LAMA4: variants seen among roughly 807,000 people sequenced by gnomAD.
The protein encoded by LAMA4 is laminin subunit alpha 4.
In LAMA4, 127 loss-of-function variants were observed where a neutral mutation model predicts 207.1. That is an observed-to-expected ratio of 0.61 (90% CI 0.53 to 0.71). The LOEUF (loss-of-function observed/expected upper bound fraction) is 0.71. Among genes scored for constraint, LAMA4 ranks in the 30% least tolerant of loss-of-function variants. The probability of loss-of-function intolerance (pLI) is 0.00; values close to 1 mark genes in which losing one functional copy is unlikely to be tolerated. For missense variants in LAMA4, 2,093 were observed against 2,246.5 expected (o/e 0.93, Z 1.38); for synonymous variants, 761 against 816.0 (o/e 0.93, Z 1.15).
At chr6:112,117,000 A>G (rs1293681335) in intron 35 of LAMA4, among the ~76,000 whole-genome samples, 1 of 152,164 alleles carries the variant, frequency 6.6e-6, no homozygotes, top group Non-Finnish European at 1.5e-5. Context: ...ACTTGGCTGC[A>G]GTGTAATTTC....
At chr6:112,200,382 A>G (rs1583872298) in intron 5 of LAMA4, among the ~76,000 whole-genome samples, 1 of 152,220 alleles carries the variant, frequency 6.6e-6, no homozygotes, top group East Asian at 1.9e-4. Flanking sequence ...TCAGGTAACA[A>G]CAGATGCTGG....
Position 112,140,202 on chromosome 6 carries a change from G to A in LAMA4, c.2977-317C>T, listed in dbSNP as rs565807050. ...ATTCTTGTTCTCATATAATGAGAGGGAAAATAATTCTCAGATAAATTCCAA... is the reference window on the plus strand; with the variant it reads ...ATTCTTGTTCTCATATAATGAGAGGAAAAATAATTCTCAGATAAATTCCAA... On this transcript the variant is annotated intron_variant, in intron 22 of 38. Coordinates refer to ENST00000230538, the MANE Select transcript of LAMA4 (RefSeq NM_001105206.3). 7.9e-5 allele frequency among the ~76,000 whole-genome samples: 12 copies of A among 152,288 alleles called. No homozygotes were observed. The South Asian group carries it at 2.1e-3, about 26-fold the overall frequency.
intron 31 of LAMA4, 35 bp downstream of exon 31, chr6:112,128,887 G>A (rs1554328521): frequency 9.4e-6 from 15 of 1,592,024 alleles, no homozygotes; most frequent in Non-Finnish European, 1.3e-5. Flanking sequence ...GGAAAATGAT[G>A]ACAATTAGGA....
At chr6:112,241,846 C>T (rs1786538768) in intron 2 of LAMA4, among the ~76,000 whole-genome samples, 1 of 152,152 alleles carries the variant, frequency 6.6e-6, no homozygotes, top group Admixed American at 6.5e-5. Flanking sequence ...AAAGGACCAG[C>T]TGGAGGAAGA....
intron 27 of LAMA4, 54 bp downstream of exon 27, chr6:112,133,295 T>G: frequency 2.6e-4 from 407 of 1,587,662 alleles, no homozygotes; most frequent in Middle Eastern, 3.9e-4. Flanking sequence ...TTCCAGCTTT[T>G]GAGAGTGATA....
At chr6:112,155,390 G>A (rs1464842514) in intron 15 of LAMA4, 175 bp downstream of exon 15, 14 of 671,160 alleles carry the variant, frequency 2.1e-5, no homozygotes, top group African/African-American at 1.6e-4. Flanking sequence ...ACATCTCGAA[G>A]AATCTGCAGA....
intron 15 of LAMA4, chr6:112,155,189 G>T (rs1171479035): frequency 1.0e-5 from 6 of 593,710 alleles, no homozygotes; most frequent in Admixed American, 8.9e-5. Flanking sequence ...CCTGGCCAAG[G>T]CCCCACCAAA....
rs529222146 is a variant in LAMA4, at chr6:112,214,207, C to G, written c.297+2161G>C. 9.8e-6 allele frequency: 4 copies of G among 408,856 alleles called. No individual in the cohort carries two copies. In the South Asian group the frequency reaches 3.9e-4, roughly 40 times the overall value. 25.3% of individuals were successfully genotyped at this position (408,856 alleles called of 1,614,324 possible). ...TGTGCAAGCATTTTCTGCCCCTTCA[C>G]TTACATTTAATTAAATATAAATATA... On this transcript the variant is annotated intron_variant, in intron 3 of 38. Transcript: ENST00000230538.
At chr6:112,122,247 G>A (rs782590917) in intron 31 of LAMA4, 46 bp from the exon 32 acceptor site, 13 of 1,430,476 alleles carry the variant, frequency 9.1e-6, no homozygotes, top group Non-Finnish European at 1.3e-5. Flanking sequence ...CATACTAGCA[G>A]CAAAAAGTAA....
chr6:112,202,144 A>G (rs937081359), intron 4 of LAMA4, among the ~76,000 whole-genome samples: 1 of 152,162 alleles, frequency 6.6e-6, no homozygotes, highest in Admixed American at 6.5e-5. Context: ...TTTCATGTGT[A>G]CTTTAAATAT....
intron 3 of LAMA4, chr6:112,213,672 T>C (rs1583909311): frequency 9.7e-6 from 2 of 205,324 alleles, no homozygotes; most frequent in East Asian, 2.1e-4. Flanking sequence ...TTGTATACTC[T>C]ATATTTTGTG....
intron 23 of LAMA4, 80 bp from the exon 24 acceptor site, chr6:112,139,371 T>C: frequency 1.4e-6 from 2 of 1,427,390 alleles, no homozygotes; most frequent in Non-Finnish European, 2.0e-6. Context: ...AACCCATTCT[T>C]CTAACATCTT....
chr6:112,130,869 A>G, intron 29 of LAMA4, 99 bp downstream of exon 29: 1 of 1,312,128 alleles, frequency 7.6e-7, no homozygotes, highest in Non-Finnish European at 1.1e-6. Flanking sequence ...TTTTAACATT[A>G]GAAAAGTTAT....
chr6:112,216,319 T>A, intron 3 of LAMA4, 49 bp downstream of exon 3: 1 of 1,202,314 alleles, frequency 8.3e-7, no homozygotes, highest in Non-Finnish European at 1.2e-6. Flanking sequence ...TCACCCAAGA[T>A]GCAAATGCCC....
intron 13 of LAMA4, among the ~76,000 whole-genome samples, chr6:112,163,673 T>G (rs192939082): frequency 2.0e-5 from 3 of 152,102 alleles, no homozygotes. Context: ...GAAACAGCAA[T>G]GATAAGTCAC....
At chr6:112,239,570 G>A (rs1407327729) in intron 2 of LAMA4, among the ~76,000 whole-genome samples, 1 of 152,144 alleles carries the variant, frequency 6.6e-6, no homozygotes, top group Non-Finnish European at 1.5e-5. Flanking sequence ...TTTCACAAGT[G>A]ACTGCTGCTA....
At chr6:112,244,574 G>C (rs1786770731) in intron 2 of LAMA4, among the ~76,000 whole-genome samples, 2 of 152,094 alleles carry the variant, frequency 1.3e-5, no homozygotes, top group South Asian at 4.1e-4. Context: ...GCTGGTTCTT[G>C]AGTTCCTCCC....
At chr6:112,141,671 C>T (rs1421004091) in intron 20 of LAMA4, among the ~76,000 whole-genome samples, 168 bp from the exon 21 acceptor site, 1 of 152,168 alleles carries the variant, frequency 6.6e-6, no homozygotes, top group Non-Finnish European at 1.5e-5. Flanking sequence ...TCCTTTCCAG[C>T]CTCCCTGTGG....
At chr6:112,173,440 C>T (rs987670144) in intron 11 of LAMA4, among the ~76,000 whole-genome samples, 2 of 152,274 alleles carry the variant, frequency 1.3e-5, no homozygotes, top group Middle Eastern at 3.4e-3. Context: ...TTTCTTCCAT[C>T]ACTGTAAGCA....
Sources: gnomAD v4.1 joint callset for allele counts (sites outside exome capture counted in the v4.1 genomes callset) on GRCh38, gnomAD v4.1.1 for gene constraint, MANE v1.5 for transcripts, NCBI Gene and HGNC (gene_info 2026-07-23, HGNC 2026-07-21) for gene names.